BEND7: variants seen among roughly 807,000 people sequenced by gnomAD.
BEND7 encodes the protein BEN domain-containing protein 7.
In BEND7, 28 loss-of-function variants were observed where a neutral mutation model predicts 50.9. The ratio of observed to expected loss-of-function variants is 0.55; its 90% CI spans 0.41 to 0.75. BEND7 has a LOEUF of 0.75. BEND7 is among the 30% of genes least tolerant of loss of function. BEND7 has a pLI of 0.00. For synonymous variants in BEND7, 170 were observed against 183.9 expected, an observed-to-expected ratio of 0.92 and a Z score of 0.61; for missense variants, 477 against 491.3, an observed-to-expected ratio of 0.97 and a Z score of 0.28.
In BEND7 at chr10:13,499,986, T is replaced by C. The variant is rs753146693; in HGVS notation, c.240A>G (p.Glu80=). The C allele has an allele frequency of 6.2e-6, 10 of 1,614,244 alleles. No homozygotes were observed. The highest frequency in any genetic ancestry group is 3.3e-5 in the South Asian group (3 of 91,084). ...TGRIYQRVGK[E]GEKLKEEPQD... ...GGGGCTCTTCTTTTAGTTTCTCTCCTTCTTTGCCAACTCGCTGATAGATCC... is the reference window on the plus strand; with the variant it reads ...GGGGCTCTTCTTTTAGTTTCTCTCCCTCTTTGCCAACTCGCTGATAGATCC... Residue 80 remains glutamate, a synonymous_variant, in exon 3 of 9, where the codon GAA becomes GAG. Coordinates refer to ENST00000466271, the MANE Select transcript of BEND7 (RefSeq NM_001369863.1).
intron 7 of BEND7, among the ~76,000 whole-genome samples, chr10:13,450,749 G>A (rs961550312): frequency 2.6e-5 from 4 of 152,090 alleles, no homozygotes; most frequent in East Asian, 1.9e-4. Context: ...GGGCAGGAGC[G>A]GGCAAGTGAG....
chr10:13,441,370 A>T lies in BEND7; in HGVS notation c.*373T>A. On this transcript the variant is annotated 3_prime_UTR_variant, in exon 9 of 9. Coordinates refer to ENST00000466271, the MANE Select transcript of BEND7 (RefSeq NM_001369863.1). ...TGAACAGTAGTCACAGTAAGTAAACACAATTTTAATTTACAAAATATGATT... is the reference window on the plus strand; with the variant it reads ...TGAACAGTAGTCACAGTAAGTAAACTCAATTTTAATTTACAAAATATGATT... 1 of 1,059,804 alleles carries T rather than the reference A, an allele frequency of 9.4e-7. No individual in the cohort carries two copies. Among genetic ancestry groups the T allele is most frequent in the Non-Finnish European group, 1.1e-6 (1 of 879,234 alleles). The allele number at this position is 1,059,804 out of a possible 1,614,324, so 65.7% of individuals were successfully genotyped here. A position where few individuals can be genotyped will look rare whatever the true frequency, so the allele number is the denominator to read the frequency against.
chr10:13,497,837 T>C (rs2077133212), intron 3 of BEND7, among the ~76,000 whole-genome samples: 1 of 152,148 alleles, frequency 6.6e-6, no homozygotes, highest in Non-Finnish European at 1.5e-5. Context: ...TCCAATTATA[T>C]GTTTTATTAT....
intron 6 of BEND7, among the ~76,000 whole-genome samples, chr10:13,461,286 A>G (rs894559531): frequency 6.6e-6 from 1 of 152,206 alleles, no homozygotes; most frequent in African/African-American, 2.4e-5. Flanking sequence ...CCCACAGGGC[A>G]AGGGCAAGGA....
intron 2 of BEND7, among the ~76,000 whole-genome samples, chr10:13,516,774 T>C (rs2078708505): frequency 6.6e-6 from 1 of 152,094 alleles, no homozygotes; most frequent in Non-Finnish European, 1.5e-5. Context: ...TCCTAGAATG[T>C]GCCAGACACT....
At chr10:13,489,694 G>C (rs12259626) in intron 5 of BEND7, among the ~76,000 whole-genome samples, 174 of 152,196 alleles carry the variant, frequency 1.1e-3, no homozygotes, top group African/African-American at 4.0e-3. Flanking sequence ...AAACAGTATA[G>C]AAGTTCTATC....
intron 6 of BEND7, among the ~76,000 whole-genome samples, chr10:13,472,871 C>A (rs918429933): frequency 1.3e-5 from 2 of 149,730 alleles, no homozygotes; most frequent in African/African-American, 5.0e-5. Flanking sequence ...GGTCGATACC[C>A]ATCATCACTC....
intron 6 of BEND7, among the ~76,000 whole-genome samples, chr10:13,477,497 A>G (rs931097843): frequency 6.6e-6 from 1 of 152,228 alleles, no homozygotes; most frequent in African/African-American, 2.4e-5. Flanking sequence ...AAAAATCTCT[A>G]CGAATAACAA....
At chr10:13,514,180 C>A (rs544637926) in intron 2 of BEND7, among the ~76,000 whole-genome samples, 1 of 152,326 alleles carries the variant, frequency 6.6e-6, no homozygotes, top group East Asian at 1.9e-4. Flanking sequence ...TTTCTCTTAT[C>A]ACAACCTAGT....
chr10:13,502,259 T>C (rs1240715314), intron 2 of BEND7, among the ~76,000 whole-genome samples: 1 of 152,228 alleles, frequency 6.6e-6, no homozygotes, highest in Non-Finnish European at 1.5e-5. Flanking sequence ...TAAATATCTT[T>C]AGTTTTTAAA....
chr10:13,439,494 G>A, downstream of BEND7: 3 of 1,595,980 alleles, frequency 1.9e-6, no homozygotes, highest in South Asian at 1.1e-5. Context: ...CCCACCACAA[G>A]CACCTGTGGA....
At chr10:13,472,906 A>G (rs2075027551) in intron 6 of BEND7, among the ~76,000 whole-genome samples, 1 of 151,458 alleles carries the variant, frequency 6.6e-6, no homozygotes, top group Non-Finnish European at 1.5e-5. Context: ...GATACTCATC[A>G]TCACTGTTAC....
intron 2 of BEND7, among the ~76,000 whole-genome samples, chr10:13,521,155 T>C (rs2079053485): frequency 6.6e-6 from 1 of 152,126 alleles, no homozygotes; most frequent in African/African-American, 2.4e-5. Flanking sequence ...TCCTCGACCT[T>C]TTTTCAAGCA....
At chr10:13,445,259 T>C (rs1208106744) in intron 8 of BEND7, 1 of 152,118 alleles carries the variant, frequency 6.6e-6, no homozygotes, top group Admixed American at 6.6e-5. Flanking sequence ...CAGCCTTGGG[T>C]AAAGTTTGAG....
At chr10:13,464,163 G>A (rs915002710) in intron 6 of BEND7, among the ~76,000 whole-genome samples, 5 of 152,194 alleles carry the variant, frequency 3.3e-5, no homozygotes, top group African/African-American at 1.2e-4. Flanking sequence ...CCGTTCCATT[G>A]CCTGGTGTGT....
chr10:13,454,277 A>AC (rs1838431625), intron 6 of BEND7, among the ~76,000 whole-genome samples: 1 of 151,684 alleles, frequency 6.6e-6, no homozygotes, highest in Non-Finnish European at 1.5e-5. Flanking sequence ...TGGTTCCAGG[A>AC]CCCCCAGCAG....
intron 1 of BEND7, chr10:13,527,948 T>C (rs1372485719): frequency 1.8e-6 from 1 of 566,564 alleles, no homozygotes; most frequent in African/African-American, 2.0e-5. Flanking sequence ...CTAAAACACC[T>C]TTCCAACCCA....
At chr10:13,468,595 T>C (rs2074490992) in intron 6 of BEND7, among the ~76,000 whole-genome samples, 2 of 152,094 alleles carry the variant, frequency 1.3e-5, no homozygotes, top group Non-Finnish European at 2.9e-5. Context: ...TAGGATACAT[T>C]AGGAACTGGA....
rs536134439 is a variant in BEND7 at position 13,455,822 on chromosome 10, C to T, written c.1064-3164G>A. On this transcript the variant is annotated intron_variant, in intron 6 of 8. Coordinates refer to ENST00000466271, the MANE Select transcript of BEND7 (RefSeq NM_001369863.1). Reference sequence around the variant, plus strand: ...TCAGTGAGCTCAGGGGTGAGGGGCTCTGGAGGATGGAGGGTGTAGGGGAGG... The same window carrying T: ...TCAGTGAGCTCAGGGGTGAGGGGCTTTGGAGGATGGAGGGTGTAGGGGAGG... 2.6e-5 allele frequency among the ~76,000 whole-genome samples: 4 copies of T among 152,116 alleles called. No homozygotes were observed. In the East Asian group the frequency reaches 7.8e-4, roughly 30 times the overall value.
Sources: gnomAD v4.1 joint callset for allele counts (sites outside exome capture counted in the v4.1 genomes callset) on GRCh38, gnomAD v4.1.1 for gene constraint, MANE v1.5 for transcripts, NCBI Gene and HGNC (gene_info 2026-07-23, HGNC 2026-07-21) for gene names.